The following PARG variants were observed in gnomAD, a reference collection of about 807,000 sequenced individuals.
The protein encoded by PARG is poly(ADP-ribose) glycohydrolase, also known as mitochondrial poly(ADP-ribose) glycohydrolase.
In PARG, 35 loss-of-function variants were observed where a neutral mutation model predicts 113.0. The observed-to-expected ratio is 0.31, with a 90% CI of 0.24 to 0.41. The LOEUF (loss-of-function observed/expected upper bound fraction) is 0.41. PARG is among the 10% of genes least tolerant of loss of function. The pLI is 1.00. For synonymous variants in PARG, 330 were observed against 409.9 expected, an observed-to-expected ratio of 0.81 and a Z score of 2.36; for missense variants, 797 against 1,169.4, an observed-to-expected ratio of 0.68 and a Z score of 4.64.
rs539827015 is a variant in PARG at position 49,900,243 on chromosome 10, A to G, written c.1738-14948T>C. Among the ~76,000 whole-genome samples the G allele has an allele frequency of 2.0e-5, 3 of 151,814 alleles. No homozygotes were observed. The South Asian group carries it at 6.3e-4, about 32-fold the overall frequency. ...AATTCTCACCACAACCCTACTTCCA[A>G]TCTCTCCTAAGCACTGCTGTGTTTC... On this transcript the variant is annotated intron_variant, in intron 7 of 17. Transcript: ENST00000616448.
chr10:49,935,133 T>C lies in PARG; in HGVS notation c.227A>G (p.Gln76Arg). Residue 76 changes from glutamine to arginine, a missense_variant, in exon 2 of 18, where the codon CAA (glutamine) becomes CGA (arginine). Physicochemically the swap from Gln to Arg is conservative, Grantham distance 43. Around this residue, in one of 5 missense-constraint regions of PARG, gnomAD observed 284 missense variants for 306.1 expected, o/e 0.93. Transcript: ENST00000616448. Reference sequence around the variant, plus strand: ...GTCCATCCAACTGGTAATAGTCTTTTGTTTGAAAACTATAAAAAAAAATGT... The same window carrying C: ...GTCCATCCAACTGGTAATAGTCTTTCGTTTGAAAACTATAAAAAAAAATGT... ...RGSATSLVFK[Q>R]KTITSWMDTK... 1 of 767,168 alleles carries C rather than the reference T, an allele frequency of 1.3e-6. No homozygotes were observed. The highest frequency in any genetic ancestry group is 2.7e-5 in the East Asian group (1 of 37,430). The allele number at this position is 767,168 out of a possible 1,614,324, so 47.5% of individuals were successfully genotyped here. A position where few individuals can be genotyped will look rare whatever the true frequency, so the allele number is the denominator to read the frequency against.
At chr10:49,881,601 A>T (rs1278819471) in intron 8 of PARG, among the ~76,000 whole-genome samples, 1 of 152,122 alleles carries the variant, frequency 6.6e-6, no homozygotes, top group African/African-American at 2.4e-5. Flanking sequence ...TCAGGAGTGG[A>T]CACCCAGAAT....
chr10:49,900,526 T>C (rs539071861), intron 7 of PARG, among the ~76,000 whole-genome samples: 198 of 152,292 alleles, frequency 1.3e-3, no homozygotes, highest in Non-Finnish European at 2.5e-3. Context: ...TAGAATTGTG[T>C]AGGTTTATAA....
rs780204296 is a variant in PARG, at chr10:49,818,322, C to T, written c.*1018G>A. ...ATTTTATTTAGATTTTATGTGCTCA[C>T]ATATAGACACACTTAAAGAGCATAC... is the stretch of plus-strand genomic sequence containing the variant. On this transcript the variant is annotated 3_prime_UTR_variant, in exon 18 of 18. Transcript: ENST00000616448. 6.6e-6 allele frequency: 1 copy of T among 152,392 alleles called. No individual in the cohort carries two copies. Among genetic ancestry groups the T allele is most frequent in the African/African-American group, 2.4e-5 (1 of 41,396 alleles). The allele number at this position is 152,392 out of a possible 1,614,324, so 9.4% of individuals were successfully genotyped here. A position where few individuals can be genotyped will look rare whatever the true frequency, so the allele number is the denominator to read the frequency against.
chr10:49,896,295 T>C (rs183291531), intron 7 of PARG, among the ~76,000 whole-genome samples: 296 of 152,306 alleles, frequency 1.9e-3, no homozygotes, highest in East Asian at 0.019. Flanking sequence ...TTTGTTTTGT[T>C]TTTTTTCTGG....
At chr10:49,832,546 C>T (rs561584114) in intron 16 of PARG, among the ~76,000 whole-genome samples, 1 of 152,296 alleles carries the variant, frequency 6.6e-6, no homozygotes, top group South Asian at 2.1e-4. Context: ...ATGCTCTTCT[C>T]CTCCTGCCAA....
At chr10:49,940,091 A>G (rs1332517065) in intron 1 of PARG, among the ~76,000 whole-genome samples, 1 of 152,164 alleles carries the variant, frequency 6.6e-6, no homozygotes, top group Non-Finnish European at 1.5e-5. Flanking sequence ...AGCATCCATT[A>G]TAATGTTTAT....
chr10:49,852,134 A>T (rs1554834300), intron 13 of PARG, among the ~76,000 whole-genome samples: 1 of 152,256 alleles, frequency 6.6e-6, no homozygotes, highest in Non-Finnish European at 1.5e-5. Flanking sequence ...TGCATGGCTA[A>T]GAGTCTCCTA....
chr10:49,840,349 C>T (rs991624965), intron 15 of PARG, among the ~76,000 whole-genome samples: 1 of 149,078 alleles, frequency 6.7e-6, no homozygotes, highest in Non-Finnish European at 1.5e-5. Context: ...TGTGATCGCA[C>T]ATGCCACTGC....
chr10:49,897,215 T>C (rs1554842953), intron 7 of PARG, among the ~76,000 whole-genome samples: 1 of 152,234 alleles, frequency 6.6e-6, no homozygotes, highest in African/African-American at 2.4e-5. Context: ...ACCTATTTTC[T>C]TACTTATAAA....
intron 15 of PARG, among the ~76,000 whole-genome samples, chr10:49,840,318 A>C (rs1187656138): frequency 1.3e-5 from 2 of 151,490 alleles, no homozygotes; most frequent in Non-Finnish European, 2.9e-5. Flanking sequence ...AGCCCAGAGA[A>C]GTTGAGAGTC....
chr10:49,904,691 G>A (rs1304443776), intron 7 of PARG, among the ~76,000 whole-genome samples: 3 of 151,670 alleles, frequency 2.0e-5, no homozygotes, highest in South Asian at 4.2e-4. Flanking sequence ...CAACGTGGGC[G>A]GATCACCTGA....
chr10:49,921,715 A>C (rs1837883010), intron 6 of PARG, among the ~76,000 whole-genome samples: 1 of 151,798 alleles, frequency 6.6e-6, no homozygotes, highest in Non-Finnish European at 1.5e-5. Context: ...AAACATGAAA[A>C]GTTTTCATGG....
Position 49,941,592 on chromosome 10 carries a change from T to A in PARG, c.134A>T (p.His45Leu). ...QRRVLDPKDAHVQFRVPPSSP... is the reference protein window; with the variant it reads ...QRRVLDPKDALVQFRVPPSSP... Reference sequence around the variant, plus strand: ...GGACGGTGGGACCCTGAACTGCACGTGAGCGTCCTTGGGGTCGAGGACGCG... The same window carrying A: ...GGACGGTGGGACCCTGAACTGCACGAGAGCGTCCTTGGGGTCGAGGACGCG... The change falls in exon 1 of 18, where the codon CAC (histidine) becomes CTC (leucine). Residue 45 changes from histidine (H) to leucine (L), a missense_variant. Physicochemically the swap from His to Leu is moderately conservative, Grantham distance 99 (BLOSUM62 -3). Transcript: ENST00000616448. 6.4e-7 allele frequency: 1 copy of A among 1,571,240 alleles called. No homozygotes were observed. The highest frequency in any genetic ancestry group is 1.2e-5 in the South Asian group (1 of 85,044).
rs540540856 is a variant in PARG, at chr10:49,844,099, T to C, written c.2354-467A>G. On this transcript the variant is annotated intron_variant, in intron 13 of 17. Coordinates refer to ENST00000616448, the MANE Select transcript of PARG (RefSeq NM_003631.5). ...GGCGGAGGTTGCAGTGAGCCAAGAG[T>C]GTGCCACTGCACTCCAGCATGGGAG... Among the ~76,000 whole-genome samples, 8 of 150,578 alleles carry C rather than the reference T, an allele frequency of 5.3e-5. No individual in the cohort carries two copies. In the East Asian group the frequency reaches 9.9e-4, roughly 19 times the overall value.
intron 4 of PARG, among the ~76,000 whole-genome samples, chr10:49,925,044 G>T (rs2664668): frequency 1.3e-5 from 2 of 152,274 alleles, no homozygotes; most frequent in African/African-American, 4.8e-5. Flanking sequence ...ACTGTGCATG[G>T]GAGGGATCTA....
chr10:49,916,658 C>T (rs1235366775), intron 6 of PARG, among the ~76,000 whole-genome samples: 1 of 152,044 alleles, frequency 6.6e-6, no homozygotes, highest in Non-Finnish European at 1.5e-5. Flanking sequence ...CAATACTATA[C>T]ATCTGGTTTC....
intron 6 of PARG, among the ~76,000 whole-genome samples, chr10:49,921,399 G>T (rs1837862000): frequency 6.6e-6 from 1 of 151,806 alleles, no homozygotes; most frequent in Admixed American, 6.6e-5. Context: ...CTGTAAAAAA[G>T]AAAAATAAAC....
chr10:49,922,448 A>G lies in PARG; in HGVS notation c.1579-29T>C, dbSNP rs551314881. On this transcript the variant is annotated intron_variant, in intron 5 of 17. Coordinates refer to ENST00000616448, the MANE Select transcript of PARG (RefSeq NM_003631.5). ...TTGGAAAAAAGAAAAACATATGAGG[A>G]AGCTATTCTAAGTTGTTTTGCATCA... 3.4e-5 allele frequency: 55 copies of G among 1,609,682 alleles called. 1 individual carries two copies. In the South Asian group the frequency reaches 5.8e-4, roughly 17 times the overall value.
Sources: allele counts gnomAD v4.1 joint callset (sites outside exome capture counted in the v4.1 genomes callset), GRCh38; gene constraint gnomAD v4.1.1; regional missense constraint gnomAD v4.1.1; transcripts MANE v1.5; gene names NCBI Gene and HGNC (gene_info 2026-07-23, HGNC 2026-07-21).